The following PTPRG variants were observed in gnomAD, a reference collection of about 807,000 sequenced individuals.
PTPRG encodes the protein protein tyrosine phosphatase receptor type G, also known as receptor-type tyrosine-protein phosphatase gamma.
PTPRG carries 102 observed loss-of-function variants against 165.3 expected under a neutral mutation model. The observed-to-expected ratio is 0.62, with a 90% confidence interval of 0.53 to 0.73. The LOEUF (loss-of-function observed/expected upper bound fraction) is 0.73, where lower values mean the gene tolerates loss of function less well. Ranked by LOEUF, PTPRG falls within the 30% of genes least tolerant of loss-of-function variation. The pLI, the probability that PTPRG is intolerant of heterozygous loss-of-function variation, is 0.00. For synonymous variants in PTPRG, 675 were observed against 669.5 expected (o/e 1.01, Z -0.13); for missense variants, 1,866 against 1,861.4 (o/e 1.00, Z -0.05).
chr3:61,977,197 C>A (rs1393836296), intron 2 of PTPRG, among the ~76,000 whole-genome samples: 1 of 133,148 alleles, frequency 7.5e-6, no homozygotes, highest in African/African-American at 3.1e-5. Context: ...CCTCCCCCAC[C>A]CCCCACACTC....
intron 14 of PTPRG, among the ~76,000 whole-genome samples, chr3:62,236,679 G>A (rs1032569691): frequency 2.0e-5 from 3 of 152,326 alleles, no homozygotes; most frequent in Non-Finnish European, 4.4e-5. Context: ...GAACCATTGA[G>A]TTTAATTTGA....
chr3:62,029,769 TC>T (rs2107779299), intron 4 of PTPRG, among the ~76,000 whole-genome samples: 1 of 152,318 alleles, frequency 6.6e-6, no homozygotes, highest in East Asian at 1.9e-4. Context: ...AATCAGGTCT[TC>T]CTCCATAAGA....
intron 2 of PTPRG, among the ~76,000 whole-genome samples, chr3:61,872,811 A>G (rs564775522): frequency 1.8e-4 from 27 of 152,178 alleles, no homozygotes; most frequent in Non-Finnish European, 1.5e-4. Flanking sequence ...ACTCTTTTAC[A>G]TGTCCAGTCC....
intron 2 of PTPRG, among the ~76,000 whole-genome samples, chr3:61,965,479 C>G (rs1160717490): frequency 7.6e-6 from 1 of 131,686 alleles, no homozygotes; most frequent in African/African-American, 3.0e-5. Context: ...CAGAGCAAGA[C>G]TCCGTCTCAA....
intron 1 of PTPRG, among the ~76,000 whole-genome samples, chr3:61,706,202 T>TGGG (rs372040498): frequency 6.6e-6 from 1 of 150,740 alleles, no homozygotes; most frequent in African/African-American, 2.4e-5. Context: ...AGAAATACCC[T>TGGG]GGGGGGGAAA....
intron 4 of PTPRG, among the ~76,000 whole-genome samples, chr3:62,059,633 T>G (rs1700739266): frequency 6.6e-6 from 1 of 151,592 alleles, no homozygotes; most frequent in African/African-American, 2.4e-5. Context: ...AGCCCAGGAG[T>G]TCAAGACCGG....
chr3:62,162,068 G>A (rs1704787002), intron 7 of PTPRG, among the ~76,000 whole-genome samples: 1 of 151,958 alleles, frequency 6.6e-6, no homozygotes, highest in African/African-American at 2.4e-5. Flanking sequence ...ATTACTTTTG[G>A]TATTCTCTCA....
chr3:62,040,102 A>G (rs1365795871), intron 4 of PTPRG, among the ~76,000 whole-genome samples: 1 of 152,234 alleles, frequency 6.6e-6, no homozygotes, highest in Admixed American at 6.5e-5. Context: ...TGCGTCCTGC[A>G]TCTGTGTATA....
chr3:61,576,751 G>C (rs1700181383), intron 1 of PTPRG, among the ~76,000 whole-genome samples: 1 of 152,058 alleles, frequency 6.6e-6, no homozygotes. Context: ...TTTAAGGTTT[G>C]CTTGTCCATA....
intron 2 of PTPRG, among the ~76,000 whole-genome samples, chr3:61,866,313 C>A (rs17065539): frequency 6.6e-6 from 1 of 152,156 alleles, no homozygotes; most frequent in African/African-American, 2.4e-5. Context: ...GTAACACATG[C>A]TTCTGTTTGC....
At chr3:61,665,982 CTTT>C (rs34088763) in intron 1 of PTPRG, among the ~76,000 whole-genome samples, 31 of 139,886 alleles carry the variant, frequency 2.2e-4, no homozygotes, top group Admixed American at 3.6e-4. Flanking sequence ...CGCCTTTTTA[CTTT>C]TTTTTTTTTT....
intron 16 of PTPRG, among the ~76,000 whole-genome samples, chr3:62,260,453 A>G (rs942927344): frequency 2.0e-5 from 3 of 152,160 alleles, no homozygotes; most frequent in African/African-American, 7.2e-5. Flanking sequence ...AATTCTCGTT[A>G]CATCAATTTT....
chr3:61,566,767 A>C (rs1396186733), intron 1 of PTPRG, among the ~76,000 whole-genome samples: 1 of 152,208 alleles, frequency 6.6e-6, no homozygotes, highest in African/African-American at 2.4e-5. Context: ...TCGGCCTCCC[A>C]GAGTGCTGGG....
intron 1 of PTPRG, among the ~76,000 whole-genome samples, chr3:61,745,368 A>T (rs1412663418): frequency 6.6e-6 from 1 of 152,084 alleles, no homozygotes; most frequent in East Asian, 1.9e-4. Context: ...CTGTTGATGA[A>T]CACACACCAT....
At chr3:62,017,942 A>G (rs1367275953) in intron 4 of PTPRG, among the ~76,000 whole-genome samples, 2 of 152,206 alleles carry the variant, frequency 1.3e-5, no homozygotes, top group Non-Finnish European at 2.9e-5. Flanking sequence ...GAGCCAAGAC[A>G]GAAGCCATGA....
intron 8 of PTPRG, among the ~76,000 whole-genome samples, chr3:62,176,518 A>C (rs1705430824): frequency 6.6e-6 from 1 of 152,172 alleles, no homozygotes; most frequent in African/African-American, 2.4e-5. Context: ...AACACAGTTT[A>C]GTACTCCTTC....
At chr3:61,840,738 T>C (rs1351433976) in intron 2 of PTPRG, among the ~76,000 whole-genome samples, 1 of 151,084 alleles carries the variant, frequency 6.6e-6, no homozygotes, top group Non-Finnish European at 1.5e-5. Context: ...TAAACAAATA[T>C]ATAGGATACA....
chr3:61,709,185 C>A (rs1393035113), intron 1 of PTPRG, among the ~76,000 whole-genome samples: 2 of 152,216 alleles, frequency 1.3e-5, no homozygotes, highest in African/African-American at 4.8e-5. Context: ...ACTGGGGATA[C>A]AGCTGATAAG....
At chr3:61,564,698 G>A (rs1699863361) in intron 1 of PTPRG, among the ~76,000 whole-genome samples, 1 of 152,202 alleles carries the variant, frequency 6.6e-6, no homozygotes, top group African/African-American at 2.4e-5. Context: ...TTCCGAGGTT[G>A]CCGCGACGCC....
Sources: gnomAD v4.1 joint callset for allele counts (sites outside exome capture counted in the v4.1 genomes callset) on GRCh38, gnomAD v4.1.1 for gene constraint, MANE v1.5 for transcripts, NCBI Gene and HGNC (gene_info 2026-07-23, HGNC 2026-07-21) for gene names.